The following WWOX variants were observed in gnomAD, a reference collection of about 807,000 sequenced individuals.
The protein encoded by WWOX is WW domain-containing oxidoreductase.
A neutral mutation model predicts 46.2 loss-of-function variants in WWOX; 69 were observed. The ratio of observed to expected loss-of-function variants is 1.49; its 90% CI spans 1.23 to 1.82. The LOEUF is 1.82. WWOX is among the 40% of genes most tolerant of loss of function. The pLI, the probability that WWOX is intolerant of heterozygous loss-of-function variation, is 0.00. For synonymous variants in WWOX, 359 were observed against 202.6 expected (o/e 1.77, Z -6.56); for missense variants, 919 against 542.6 (o/e 1.69, Z -6.89).
intron 5 of WWOX, among the ~76,000 whole-genome samples, chr16:78,239,825 A>G (rs1597389721): frequency 6.6e-6 from 1 of 152,136 alleles, no homozygotes; most frequent in African/African-American, 2.4e-5. Context: ...GTGAGCCACC[A>G]CACCAGGCTG....
intron 8 of WWOX, among the ~76,000 whole-genome samples, chr16:78,710,052 C>G (rs1438507445): frequency 6.6e-6 from 1 of 152,056 alleles, no homozygotes; most frequent in Non-Finnish European, 1.5e-5. Context: ...TTCTTACCAG[C>G]CTGGGCCAGG....
chr16:78,304,897 C>T (rs1324827828), intron 5 of WWOX, among the ~76,000 whole-genome samples: 1 of 152,180 alleles, frequency 6.6e-6, no homozygotes, highest in Non-Finnish European at 1.5e-5. Context: ...CCCCATTTTC[C>T]TCACTATCCA....
intron 8 of WWOX, among the ~76,000 whole-genome samples, chr16:78,756,320 C>CT (rs1555529767): frequency 6.6e-6 from 1 of 150,800 alleles, no homozygotes; most frequent in African/African-American, 2.5e-5. Context: ...GTATTTGAAA[C>CT]AAACAAAAAA....
intron 8 of WWOX, among the ~76,000 whole-genome samples, chr16:78,787,242 C>G (rs147413080): frequency 2.6e-5 from 4 of 152,168 alleles, no homozygotes; most frequent in Admixed American, 6.5e-5. Flanking sequence ...TTCACAATAT[C>G]GTGCCACAAT....
rs148838195 is a variant in WWOX at position 79,184,234 on chromosome 16, A to C, written c.1057-27374A>C. Among the ~76,000 whole-genome samples, 40 of 152,348 alleles carry C rather than the reference A, an allele frequency of 2.6e-4. No homozygotes were observed. In the East Asian group the frequency reaches 6.6e-3, roughly 25 times the overall value. On this transcript the variant is annotated intron_variant, in intron 8 of 8. Transcript: ENST00000566780. The stretch of plus-strand genomic sequence containing the variant: ...TGCAGTTAGTGTAACAGTCTATAGT[A>C]ACAGTGTAGACTATTAGTTTGTAGA...
Position 79,153,592 on chromosome 16 carries a change from G to A in WWOX, c.1057-58016G>A, listed in dbSNP as rs5029636. ...TAATAATACCTGCACACAATCAGTT[G>A]CCTGTCCAAAAAGCAATAAAGAACC... is the stretch of plus-strand genomic sequence containing the variant. On this transcript the variant is annotated intron_variant, in intron 8 of 8. Coordinates refer to ENST00000566780, the MANE Select transcript of WWOX (RefSeq NM_016373.4). Among the ~76,000 whole-genome samples the A allele has an allele frequency of 2.1e-3, 327 of 152,200 alleles. No homozygotes were observed. In the Middle Eastern group the frequency reaches 0.024, roughly 11 times the overall value.
intron 8 of WWOX, among the ~76,000 whole-genome samples, chr16:78,754,068 A>C (rs2049570908): frequency 6.6e-6 from 1 of 151,792 alleles, no homozygotes; most frequent in African/African-American, 2.4e-5. Flanking sequence ...CTTTAGGCTT[A>C]TCCCATTGGG....
At chr16:78,634,935 C>T (rs369222053) in intron 8 of WWOX, among the ~76,000 whole-genome samples, 1 of 150,230 alleles carries the variant, frequency 6.7e-6, no homozygotes, top group Non-Finnish European at 1.5e-5. Context: ...ACTTTGTGAA[C>T]GAGGAGGAGG....
intron 8 of WWOX, among the ~76,000 whole-genome samples, chr16:79,130,486 A>G (rs2049854295): frequency 6.6e-6 from 1 of 152,118 alleles, no homozygotes; most frequent in African/African-American, 2.4e-5. Context: ...CAGAGAGAAG[A>G]TGTCCTTTGA....
At chr16:78,630,988 G>C (rs1410361185) in intron 8 of WWOX, among the ~76,000 whole-genome samples, 1 of 151,988 alleles carries the variant, frequency 6.6e-6, no homozygotes, top group African/African-American at 2.4e-5. Flanking sequence ...GCTTTTTTTT[G>C]TCATTATTCC....
chr16:78,964,319 A>G (rs778362678), intron 8 of WWOX, among the ~76,000 whole-genome samples: 3 of 152,232 alleles, frequency 2.0e-5, no homozygotes, highest in Non-Finnish European at 4.4e-5. Flanking sequence ...AATATGGACA[A>G]TAATGTCCAG....
At chr16:78,773,555 A>C (rs2050118151) in intron 8 of WWOX, among the ~76,000 whole-genome samples, 1 of 152,158 alleles carries the variant, frequency 6.6e-6, no homozygotes, top group South Asian at 2.1e-4. Context: ...CTATTCTTAG[A>C]CTAGTGGGGC....
intron 5 of WWOX, among the ~76,000 whole-genome samples, chr16:78,184,878 C>G (rs1038212288): frequency 6.6e-6 from 1 of 152,186 alleles, no homozygotes; most frequent in Non-Finnish European, 1.5e-5. Flanking sequence ...TAATAACAAC[C>G]AACCTCAAAA....
chr16:78,407,093 A>G (rs900209045), intron 6 of WWOX, among the ~76,000 whole-genome samples: 6 of 152,316 alleles, frequency 3.9e-5, no homozygotes, highest in Non-Finnish European at 5.9e-5. Flanking sequence ...TGTTCAGTGT[A>G]TACTGCCATC....
At chr16:78,651,997 C>T (rs985210059) in intron 8 of WWOX, among the ~76,000 whole-genome samples, 2 of 152,060 alleles carry the variant, frequency 1.3e-5, no homozygotes, top group African/African-American at 2.4e-5. Flanking sequence ...CTACCTAGAT[C>T]AGGTATAAGG....
At chr16:78,652,928 A>T (rs1041553434) in intron 8 of WWOX, among the ~76,000 whole-genome samples, 1 of 152,206 alleles carries the variant, frequency 6.6e-6, no homozygotes, top group African/African-American at 2.4e-5. Flanking sequence ...ACTTTGAAAA[A>T]TGAACTTTTG....
At chr16:78,712,746 C>T (rs1444255976) in intron 8 of WWOX, among the ~76,000 whole-genome samples, 2 of 152,000 alleles carry the variant, frequency 1.3e-5, no homozygotes, top group Non-Finnish European at 2.9e-5. Flanking sequence ...GAAAAATCTA[C>T]AAGTGAAATG....
chr16:79,026,539 G>T (rs539533301), intron 8 of WWOX, among the ~76,000 whole-genome samples: 22 of 150,492 alleles, frequency 1.5e-4, no homozygotes, highest in Admixed American at 1.4e-3. Context: ...TCTCTATCTA[G>T]AAAGAATCAT....
intron 8 of WWOX, among the ~76,000 whole-genome samples, chr16:78,489,467 C>T (rs2738708): frequency 0.79 from 120,625 of 152,028 alleles, 48,822 homozygotes; most frequent in Admixed American, 0.88. Flanking sequence ...CAGGGACATT[C>T]GTGAGCTCTT....
Sources: gnomAD v4.1 joint callset for allele counts (sites outside exome capture counted in the v4.1 genomes callset) on GRCh38, gnomAD v4.1.1 for gene constraint, MANE v1.5 for transcripts, NCBI Gene and HGNC (gene_info 2026-07-23, HGNC 2026-07-21) for gene names.